Variants in CNTNAP2 observed in about 807,000 individuals in gnomAD.
The protein encoded by CNTNAP2 is contactin associated protein 2.
Under a neutral mutation model 155.2 loss-of-function variants are expected in CNTNAP2, and 98 were observed. The observed-to-expected ratio is 0.63, with a 90% CI of 0.54 to 0.75. The LOEUF (loss-of-function observed/expected upper bound fraction) is 0.75. CNTNAP2 is among the 30% of genes least tolerant of loss of function. The pLI, the probability that CNTNAP2 is intolerant of heterozygous loss-of-function variation, is 0.00. For synonymous variants in CNTNAP2, 651 were observed against 631.2 expected, an observed-to-expected ratio of 1.03 and a Z score of -0.47; for missense variants, 1,727 against 1,688.1, an observed-to-expected ratio of 1.02 and a Z score of -0.40.
chr7:146,815,091 G>T (rs558689667), intron 2 of CNTNAP2, among the ~76,000 whole-genome samples: 5 of 152,198 alleles, frequency 3.3e-5, no homozygotes, highest in Admixed American at 2.0e-4. Context: ...TCCTCTGAGA[G>T]CATGTCTAGA....
At chr7:147,038,977 TCATTC>T (rs1350953558) in intron 3 of CNTNAP2, among the ~76,000 whole-genome samples, 1 of 152,190 alleles carries the variant, frequency 6.6e-6, no homozygotes, top group Non-Finnish European at 1.5e-5. Context: ...TCTCCCCTGT[TCATTC>T]CTTCTTCACA....
chr7:146,673,446 G>A (rs996365453), intron 1 of CNTNAP2, among the ~76,000 whole-genome samples: 1 of 152,178 alleles, frequency 6.6e-6, no homozygotes, highest in African/African-American at 2.4e-5. Context: ...GCCTAAAGAT[G>A]CTGTCTTATG....
chr7:146,748,359 A>G (rs866583986), intron 1 of CNTNAP2, among the ~76,000 whole-genome samples: 1 of 151,770 alleles, frequency 6.6e-6, no homozygotes, highest in East Asian at 1.9e-4. Context: ...GTTAGCCAGG[A>G]TGGTCTGGAT....
At chr7:147,506,373 A>G (rs1401451906) in intron 11 of CNTNAP2, among the ~76,000 whole-genome samples, 1 of 152,152 alleles carries the variant, frequency 6.6e-6, no homozygotes, top group Non-Finnish European at 1.5e-5. Flanking sequence ...CTCCTGCTTC[A>G]GCCTCCTGAG....
chr7:147,924,088 G>A (rs555046610), intron 14 of CNTNAP2, among the ~76,000 whole-genome samples: 2 of 151,726 alleles, frequency 1.3e-5, no homozygotes, highest in Non-Finnish European at 2.9e-5. Context: ...CATTTGCTGA[G>A]GGCTTCCCAA....
At chr7:147,034,154 G>A (rs1295381334) in intron 3 of CNTNAP2, among the ~76,000 whole-genome samples, 1 of 152,186 alleles carries the variant, frequency 6.6e-6, no homozygotes, top group Non-Finnish European at 1.5e-5. Context: ...TAATTTCCGG[G>A]CATTGCCATG....
intron 10 of CNTNAP2, among the ~76,000 whole-genome samples, chr7:147,450,931 G>T (rs754523570): frequency 4.6e-5 from 7 of 152,156 alleles, no homozygotes; most frequent in Non-Finnish European, 8.8e-5. Flanking sequence ...GGCATCAGTA[G>T]ATCTGTAATC....
intron 1 of CNTNAP2, among the ~76,000 whole-genome samples, chr7:146,546,732 G>A (rs1244923692): frequency 6.6e-6 from 1 of 151,880 alleles, no homozygotes; most frequent in East Asian, 1.9e-4. Flanking sequence ...TGAAGGAGGA[G>A]CAAAAGCACA....
At chr7:146,899,336 G>T (rs967152531) in intron 3 of CNTNAP2, among the ~76,000 whole-genome samples, 1 of 151,994 alleles carries the variant, frequency 6.6e-6, no homozygotes, top group South Asian at 2.1e-4. Context: ...TTTTCTTCGG[G>T]GTCCTGAAAC....
At chr7:147,012,864 G>A (rs1356702545) in intron 3 of CNTNAP2, among the ~76,000 whole-genome samples, 1 of 152,086 alleles carries the variant, frequency 6.6e-6, no homozygotes, top group Admixed American at 6.6e-5. Context: ...AATAAATACT[G>A]AGGCCTTTTG....
chr7:147,024,347 T>C (rs1038236839), intron 3 of CNTNAP2, among the ~76,000 whole-genome samples: 1 of 152,170 alleles, frequency 6.6e-6, no homozygotes, highest in Admixed American at 6.5e-5. Context: ...ACATAAAAAC[T>C]AGTTAAATCA....
At chr7:147,727,060 G>A (rs1796655977) in intron 13 of CNTNAP2, among the ~76,000 whole-genome samples, 1 of 151,492 alleles carries the variant, frequency 6.6e-6, no homozygotes, top group South Asian at 2.1e-4. Flanking sequence ...CAACAAAATT[G>A]TATACATTAA....
At chr7:148,310,576 C>T (rs1261098173) in intron 21 of CNTNAP2, among the ~76,000 whole-genome samples, 4 of 151,810 alleles carry the variant, frequency 2.6e-5, no homozygotes, top group Admixed American at 1.3e-4. Context: ...TCTTTTTTGT[C>T]GTGTCGGTGT....
At position 148,415,796 on chromosome 7, in the gene CNTNAP2, T is replaced by TTTAATATTTC; in HGVS notation, c.*183_*192dup. The TTTAATATTTC allele has an allele frequency of 1.5e-6, 1 of 681,234 alleles. No homozygotes were observed. Among genetic ancestry groups the TTTAATATTTC allele is most frequent in the Non-Finnish European group, 2.4e-6 (1 of 408,710 alleles). The allele number at this position is 681,234 out of a possible 1,614,324, so 42.2% of individuals were successfully genotyped here. A position where few individuals can be genotyped will look rare whatever the true frequency, so the allele number is the denominator to read the frequency against. On this transcript the variant is annotated 3_prime_UTR_variant, in exon 24 of 24. Coordinates refer to ENST00000361727, the MANE Select transcript of CNTNAP2 (RefSeq NM_014141.6). Reference sequence around the variant, plus strand: ...GACTGATCACAAAAAAAAAAACCTTTTTAATATTTCTTTATAGCTGAGTTT... The same window carrying TTTAATATTTC: ...GACTGATCACAAAAAAAAAAACCTTTTTAATATTTCTTAATATTTCTTTATAGCTGAGTTT...
intron 8 of CNTNAP2, among the ~76,000 whole-genome samples, chr7:147,235,050 G>A (rs1803768034): frequency 6.6e-6 from 1 of 152,144 alleles, no homozygotes; most frequent in South Asian, 2.1e-4. Flanking sequence ...TGAATTGGCA[G>A]ACTGAGTAAA....
intron 1 of CNTNAP2, among the ~76,000 whole-genome samples, chr7:146,534,537 C>A (rs763644858): frequency 6.6e-6 from 1 of 151,996 alleles, no homozygotes; most frequent in Non-Finnish European, 1.5e-5. Flanking sequence ...AGACCCTATG[C>A]GTAGAAAAGT....
chr7:146,621,455 T>C (rs934555655), intron 1 of CNTNAP2, among the ~76,000 whole-genome samples: 4 of 152,208 alleles, frequency 2.6e-5, no homozygotes, highest in African/African-American at 9.6e-5. Flanking sequence ...TTGGTCATTA[T>C]GCCTCCTTAG....
rs765300593 is a variant in CNTNAP2 at position 148,118,209 on chromosome 7, C to G, written c.2475C>G (p.Phe825Leu). The G allele has an allele frequency of 6.2e-7, 1 of 1,614,166 alleles. No homozygotes were observed. The highest frequency in any genetic ancestry group is 2.2e-5 in the East Asian group (1 of 44,890). ...FQGETSADIS[F>L]YFKTLTPWGV... ...GGGAAACTAGCGCTGACATTTCTTT[C>G]TACTTCAAAACATTAACCCCCTGGG... Residue 825 changes from phenylalanine (F) to leucine (L), a missense_variant, in exon 16 of 24, where the codon TTC becomes TTG. By Grantham distance (22) the Phe-to-Leu change is conservative. Transcript: ENST00000361727.
At chr7:147,986,873 TTGTGTGTGTGTG>T (rs71686634) in intron 15 of CNTNAP2, among the ~76,000 whole-genome samples, 1 of 147,444 alleles carries the variant, frequency 6.8e-6, no homozygotes, top group South Asian at 2.1e-4. Flanking sequence ...TGTTTTTTGT[TTGTGTGTGTGTG>T]TGTGTGTGTG....
Sources: allele counts gnomAD v4.1 joint callset (sites outside exome capture counted in the v4.1 genomes callset), GRCh38; gene constraint gnomAD v4.1.1; transcripts MANE v1.5; gene names NCBI Gene and HGNC (gene_info 2026-07-23, HGNC 2026-07-21).